The following AADACL3 variants were observed in gnomAD, a reference collection of about 807,000 sequenced individuals.
AADACL3 encodes the protein arylacetamide deacetylase like 3, also known as arylacetamide deacetylase-like 3.
AADACL3 carries 13 observed loss-of-function variants against 13.6 expected under a neutral mutation model. The observed-to-expected ratio is 0.95, with a 90% CI of 0.62 to 1.52. AADACL3 has a LOEUF of 1.52. Among genes scored for constraint, AADACL3 ranks in the 40% most tolerant of loss-of-function variants. The pLI, the probability that AADACL3 is intolerant of heterozygous loss-of-function variation, is 0.00. For synonymous variants in AADACL3, 195 were observed against 197.0 expected, an observed-to-expected ratio of 0.99 and a Z score of 0.08; for missense variants, 519 against 499.2, an observed-to-expected ratio of 1.04 and a Z score of -0.38.
At chr1:12,722,915 A>G (rs1275960390) in intron 3 of AADACL3, among the ~76,000 whole-genome samples, 1 of 152,158 alleles carries the variant, frequency 6.6e-6, no homozygotes, top group East Asian at 1.9e-4. Context: ...AATTTTACCT[A>G]TTACAAAACC....
At chr1:12,723,168 G>A (rs1414978456) in intron 3 of AADACL3, among the ~76,000 whole-genome samples, 3 of 151,902 alleles carry the variant, frequency 2.0e-5, no homozygotes, top group Non-Finnish European at 2.9e-5. Context: ...CACTATGCCT[G>A]CCCTAACCTT....
At position 12,726,576 on chromosome 1, in the gene AADACL3, A is replaced by T. The variant is rs1638374487; in HGVS notation, c.*580A>T. On this transcript the variant is annotated 3_prime_UTR_variant, in exon 4 of 4. Coordinates refer to ENST00000359318, the MANE Select transcript of AADACL3 (RefSeq NM_001103170.3). ...TCAGAGTCTTCACTGTCTGGGCTGG[A>T]AACTTTAAGATAGAATGGATAGAGC... 6.6e-6 allele frequency: 1 copy of T among 152,622 alleles called. No homozygotes were observed. The highest frequency in any genetic ancestry group is 1.5e-5 in the Non-Finnish European group (1 of 68,428). The allele number at this position is 152,622 out of a possible 1,614,324, so 9.5% of individuals were successfully genotyped here.
At chr1:12,719,047 A>G (rs1648504732) in intron 1 of AADACL3, among the ~76,000 whole-genome samples, 1 of 152,172 alleles carries the variant, frequency 6.6e-6, no homozygotes, top group African/African-American at 2.4e-5. Flanking sequence ...AAATGTACCC[A>G]CACTATAGTT....
Position 12,725,257 on chromosome 1 carries a change from C to T in AADACL3, c.485C>T (p.Pro162Leu). 1 of 1,611,226 alleles carries T rather than the reference C, an allele frequency of 6.2e-7. No individual in the cohort carries two copies. The highest frequency in any genetic ancestry group is 8.5e-7 in the Non-Finnish European group (1 of 1,179,004). The change falls in exon 4 of 4, where the codon CCA becomes CTA. Residue 162 changes from proline to leucine, a missense_variant. Transcript: ENST00000359318. Reference protein sequence around the residue: ...RKLPKHKFPVPVRDCLVATIH... With the variant: ...RKLPKHKFPVLVRDCLVATIH... The stretch of plus-strand genomic sequence containing the variant: ...TTACCTAAGCATAAGTTTCCAGTGC[C>T]AGTAAGAGACTGCTTGGTGGCCACC...
At chr1:12,721,221 G>A (rs1262041373) in intron 3 of AADACL3, among the ~76,000 whole-genome samples, 1 of 152,084 alleles carries the variant, frequency 6.6e-6, no homozygotes, top group African/African-American at 2.4e-5. Flanking sequence ...GGGCAACATA[G>A]TGAGACCCCA....
Position 12,725,776 on chromosome 1 carries a change from A to T in AADACL3, c.1004A>T (p.Gln335Leu). Reference sequence around the variant, plus strand: ...ATTGCAGAAGATGACATAGTGTCTCAGCTCCCGGAAACCTGCATCGTGAGC... The same window carrying T: ...ATTGCAGAAGATGACATAGTGTCTCTGCTCCCGGAAACCTGCATCGTGAGC... ...PLIAEDDIVS[Q>L]LPETCIVSCE... is the part of the protein sequence containing the mutation. Residue 335 changes from glutamine to leucine, a missense_variant, in exon 4 of 4, where the codon CAG (glutamine) becomes CTG (leucine). Coordinates refer to ENST00000359318, the MANE Select transcript of AADACL3 (RefSeq NM_001103170.3). The T allele has an allele frequency of 3.7e-6, 6 of 1,614,198 alleles. No homozygotes were observed. Among genetic ancestry groups the T allele is most frequent in the Non-Finnish European group, 5.1e-6 (6 of 1,180,034 alleles).
Position 12,728,132 on chromosome 1 carries a change from A to T in AADACL3, c.*2136A>T, listed in dbSNP as rs1387731391. 1.3e-5 allele frequency: 2 copies of T among 152,212 alleles called. No individual in the cohort carries two copies. The highest frequency in any genetic ancestry group is 6.5e-5 in the Admixed American group (1 of 15,276). The allele number at this position is 152,212 out of a possible 1,614,324, so 9.4% of individuals were successfully genotyped here. A position where few individuals can be genotyped will look rare whatever the true frequency, so the allele number is the denominator to read the frequency against. The stretch of plus-strand genomic sequence containing the variant: ...CACTCCTCTCCTTTACCACATCACC[A>T]CTATCCTTCCTGCAATACATCCACG... On this transcript the variant is annotated 3_prime_UTR_variant, in exon 4 of 4. Coordinates refer to ENST00000359318, the MANE Select transcript of AADACL3 (RefSeq NM_001103170.3).
At position 12,727,854 on chromosome 1, in the gene AADACL3, G is replaced by C. The variant is rs956459422; in HGVS notation, c.*1858G>C. On this transcript the variant is annotated 3_prime_UTR_variant, in exon 4 of 4. Transcript: ENST00000359318. Reference sequence around the variant, plus strand: ...GGAGAGGCTCCCTCCTTGGAGTGTTGCTTTTTTTGTTTCACCCCTGCCTCT... The same window carrying C: ...GGAGAGGCTCCCTCCTTGGAGTGTTCCTTTTTTTGTTTCACCCCTGCCTCT... 6.6e-6 allele frequency: 1 copy of C among 152,248 alleles called. No individual in the cohort carries two copies. The highest frequency in any genetic ancestry group is 2.4e-5 in the African/African-American group (1 of 41,458). 9.4% of individuals were successfully genotyped at this position (152,248 alleles called of 1,614,324 possible).
rs2100219705 is a variant in AADACL3, at chr1:12,726,580, T to G, written c.*584T>G. 6.5e-6 allele frequency: 1 copy of G among 152,674 alleles called. No individual in the cohort carries two copies. The highest frequency in any genetic ancestry group is 1.9e-4 in the East Asian group (1 of 5,174). The allele number at this position is 152,674 out of a possible 1,614,324, so 9.5% of individuals were successfully genotyped here. ...AGTCTTCACTGTCTGGGCTGGAAAC[T>G]TTAAGATAGAATGGATAGAGCTTCC... On this transcript the variant is annotated 3_prime_UTR_variant, in exon 4 of 4. Coordinates refer to ENST00000359318, the MANE Select transcript of AADACL3 (RefSeq NM_001103170.3).
In AADACL3 at chr1:12,725,849, G is replaced by A. The variant is rs1406254139; in HGVS notation, c.1077G>A (p.Arg359=). 6.2e-7 allele frequency: 1 copy of A among 1,614,048 alleles called. No individual in the cohort carries two copies. The highest frequency in any genetic ancestry group is 2.2e-5 in the East Asian group (1 of 44,896). ...LRDNSLLYKK[R]LEDLGVPVTW... The stretch of plus-strand genomic sequence containing the variant: ...ACAATTCACTGTTGTACAAGAAAAG[G>A]CTGGAAGACCTGGGAGTGCCCGTGA... Residue 359 remains arginine (R), a synonymous_variant, in exon 4 of 4, where the codon AGG becomes AGA. Coordinates refer to ENST00000359318, the MANE Select transcript of AADACL3 (RefSeq NM_001103170.3).
chr1:12,716,516 C>T (rs1648439159), intron 1 of AADACL3, among the ~76,000 whole-genome samples, 172 bp downstream of exon 1: 1 of 152,148 alleles, frequency 6.6e-6, no homozygotes, highest in Non-Finnish European at 1.5e-5. Flanking sequence ...TTCTCAGCCT[C>T]TTTGGGTGTT....
In AADACL3 at chr1:12,727,247, A is replaced by C. The variant is rs1015320965; in HGVS notation, c.*1251A>C. On this transcript the variant is annotated 3_prime_UTR_variant, in exon 4 of 4. Coordinates refer to ENST00000359318, the MANE Select transcript of AADACL3 (RefSeq NM_001103170.3). The stretch of plus-strand genomic sequence containing the variant: ...ATCTAACTCACCATTCCCAAGTCCT[A>C]TGCCATCCTGAGAGTGGGGGGTGGA... The C allele has an allele frequency of 5.9e-5, 9 of 152,216 alleles. No homozygotes were observed. The highest frequency in any genetic ancestry group is 8.8e-5 in the Non-Finnish European group (6 of 68,046). 9.4% of individuals were successfully genotyped at this position (152,216 alleles called of 1,614,324 possible).
intron 3 of AADACL3, among the ~76,000 whole-genome samples, chr1:12,724,035 C>A (rs913087305): frequency 6.7e-6 from 1 of 149,896 alleles, no homozygotes; most frequent in East Asian, 2.0e-4. Context: ...CCACCTGCCT[C>A]GGCCTCCCAA....
intron 2 of AADACL3, 68 bp from the exon 3 acceptor site, chr1:12,720,815 A>T: frequency 7.1e-7 from 1 of 1,402,188 alleles, no homozygotes. Context: ...GTCTGTAGGA[A>T]GAAGACGGTG....
rs1454136094 is a variant in AADACL3 at position 12,725,492 on chromosome 1, C to T, written c.720C>T (p.Asn240=). 1 of 1,614,096 alleles carries T rather than the reference C, an allele frequency of 6.2e-7. No individual in the cohort carries two copies. The highest frequency in any genetic ancestry group is 8.5e-7 in the Non-Finnish European group (1 of 1,180,004). ...LQTPSFQQRK[N]IPLLTWSFIC... ...CCCCTTCGTTTCAACAGAGGAAAAA[C>T]ATCCCACTGCTCACCTGGAGTTTCA... Residue 240 remains asparagine (N), a synonymous_variant, in exon 4 of 4, where the codon AAC becomes AAT. Transcript: ENST00000359318.
chr1:12,717,482 A>G (rs1446993197), intron 1 of AADACL3, among the ~76,000 whole-genome samples: 4 of 152,204 alleles, frequency 2.6e-5, no homozygotes, highest in African/African-American at 7.2e-5. Context: ...CTCCTTAAAT[A>G]GTAGCCATTG....
At position 12,725,525 on chromosome 1, in the gene AADACL3, C is replaced by CT. The variant is rs746497630; in HGVS notation, c.762dup (p.Gln255SerfsTer22). The CT allele has an allele frequency of 5.1e-5, 82 of 1,612,654 alleles. No individual in the cohort carries two copies. Among genetic ancestry groups the CT allele is most frequent in the Non-Finnish European group, 5.4e-5 (64 of 1,179,304 alleles). Reference sequence around the variant, plus strand: ...TGCTCACCTGGAGTTTCATCTGCTACTTTTTTTTTCAAAACCTGGATTTCA... The same window carrying CT: ...TGCTCACCTGGAGTTTCATCTGCTACTTTTTTTTTTCAAAACCTGGATTTCA... On this transcript the variant is annotated frameshift_variant, in exon 4 of 4. Coordinates refer to ENST00000359318, the MANE Select transcript of AADACL3 (RefSeq NM_001103170.3). LOFTEE classifies it low-confidence loss of function (END_TRUNC).
chr1:12,724,968 T>C (rs1014340198), intron 3 of AADACL3, among the ~76,000 whole-genome samples: 1 of 146,534 alleles, frequency 6.8e-6, no homozygotes, highest in East Asian at 1.9e-4. Flanking sequence ...GTGTGGGTGA[T>C]ATTTACATTG....
At chr1:12,724,856 C>A (rs1638334484) in intron 3 of AADACL3, among the ~76,000 whole-genome samples, 1 of 152,260 alleles carries the variant, frequency 6.6e-6, no homozygotes, top group Admixed American at 6.5e-5. Flanking sequence ...AATTAAAAAC[C>A]CAAGCAGGTC....
Sources: gnomAD v4.1 joint callset for allele counts (sites outside exome capture counted in the v4.1 genomes callset) on GRCh38, gnomAD v4.1.1 for gene constraint, MANE v1.5 for transcripts, NCBI Gene and HGNC (gene_info 2026-07-23, HGNC 2026-07-21) for gene names.